Variants in TTC17 observed in about 807,000 individuals in gnomAD.
TTC17 encodes tetratricopeptide repeat domain 17, also known as tetratricopeptide repeat protein 17.
Under a neutral mutation model 143.8 loss-of-function variants are expected in TTC17, and 58 were observed. The observed-to-expected ratio is 0.40, with a 90% CI of 0.33 to 0.50. The LOEUF is 0.50. Ranked by LOEUF, TTC17 falls within the 20% of genes least tolerant of loss-of-function variation. The pLI is 0.49. For missense variants in TTC17, 1,273 were observed against 1,392.5 expected, an observed-to-expected ratio of 0.91 and a Z score of 1.37; for synonymous variants, 501 against 497.8, an observed-to-expected ratio of 1.01 and a Z score of -0.09.
intron 18 of TTC17, among the ~76,000 whole-genome samples, chr11:43,445,346 G>C (rs1947518461): frequency 6.6e-6 from 1 of 152,066 alleles, no homozygotes; most frequent in Non-Finnish European, 1.5e-5. Context: ...TCTTAGATTT[G>C]ATGAAATATG....
chr11:43,365,135 C>T (rs1001588768), intron 1 of TTC17, among the ~76,000 whole-genome samples: 1 of 152,024 alleles, frequency 6.6e-6, no homozygotes, highest in Non-Finnish European at 1.5e-5. Flanking sequence ...ACAGGTCACT[C>T]TGTCACCCAG....
chr11:43,471,060 G>A (rs1948082869), intron 21 of TTC17, among the ~76,000 whole-genome samples: 2 of 152,112 alleles, frequency 1.3e-5, no homozygotes, highest in African/African-American at 4.8e-5. Context: ...GTCAGCAGTT[G>A]GCATTAACCA....
At position 43,448,115 on chromosome 11, in the gene TTC17, A is replaced by C; in HGVS notation, c.2779A>C (p.Asn927His). 1 of 1,614,068 alleles carries C rather than the reference A, an allele frequency of 6.2e-7. No individual in the cohort carries two copies. Residue 927 changes from asparagine to histidine, a missense_variant, in exon 19 of 24, where the codon AAC (asparagine) becomes CAC (histidine). Asn to His is a moderately conservative substitution (Grantham distance 68). Transcript: ENST00000039989. ...VSTWLAVSSK[N>H]IDITEHIDFA... ...TACCTGGCTTGCAGTTTCTTCAAAA[A>C]ACATTGAGTAAGTATGTTAAGCCTC...
chr11:43,359,666 G>A (rs554545767), intron 1 of TTC17, among the ~76,000 whole-genome samples: 1 of 152,284 alleles, frequency 6.6e-6, no homozygotes, highest in East Asian at 1.9e-4. Flanking sequence ...GGTCAGCAGT[G>A]GCTCATTAGA....
intron 21 of TTC17, among the ~76,000 whole-genome samples, chr11:43,456,316 C>T (rs1947762923): frequency 6.6e-6 from 1 of 152,044 alleles, no homozygotes; most frequent in Admixed American, 6.6e-5. Context: ...TACTACTCAA[C>T]ATGAGTTTGA....
intron 1 of TTC17, among the ~76,000 whole-genome samples, chr11:43,370,787 A>G (rs1249258027): frequency 6.9e-6 from 1 of 144,502 alleles, no homozygotes; most frequent in African/African-American, 2.5e-5. Flanking sequence ...AGTTAAAGAG[A>G]GGGGGCAGGT....
intron 16 of TTC17, among the ~76,000 whole-genome samples, chr11:43,418,294 A>G (rs1051495837): frequency 6.6e-6 from 1 of 152,226 alleles, no homozygotes; most frequent in East Asian, 1.9e-4. Flanking sequence ...ATAAAATTTC[A>G]TAAATCCTGG....
intron 21 of TTC17, among the ~76,000 whole-genome samples, chr11:43,481,326 A>G (rs1477587146): frequency 6.6e-6 from 1 of 152,140 alleles, no homozygotes; most frequent in Non-Finnish European, 1.5e-5. Flanking sequence ...ACCTGTGTTT[A>G]TGTTCATGAG....
intron 1 of TTC17, chr11:43,370,358 A>G (rs1590310505): frequency 4.9e-6 from 1 of 203,018 alleles, no homozygotes; most frequent in East Asian, 1.4e-4. Flanking sequence ...TAGATTTGTG[A>G]TAAGGGTAAA....
chr11:43,429,647 A>T (rs1947108472), intron 16 of TTC17, among the ~76,000 whole-genome samples: 1 of 152,240 alleles, frequency 6.6e-6, no homozygotes, highest in Non-Finnish European at 1.5e-5. Flanking sequence ...AGCTTAAATT[A>T]TAATAAAAGG....
intron 18 of TTC17, among the ~76,000 whole-genome samples, chr11:43,445,317 A>G (rs946900499): frequency 2.6e-5 from 4 of 152,190 alleles, no homozygotes; most frequent in African/African-American, 7.2e-5. Flanking sequence ...AAAATAATGT[A>G]TGTTTACAGT....
In TTC17 at chr11:43,409,530, T is replaced by C. The variant is rs529386195; in HGVS notation, c.2064+1953T>C. Among the ~76,000 whole-genome samples the C allele has an allele frequency of 8.5e-5, 13 of 152,342 alleles. 1 individual carries two copies. In the South Asian group the frequency reaches 2.3e-3, roughly 27 times the overall value. ...GATTGTTTACTAGAGCCAGGCACAA[T>C]ACTAAGCATCTTACATGTAGTAACT... On this transcript the variant is annotated intron_variant, in intron 15 of 23. Transcript: ENST00000039989.
intron 19 of TTC17, chr11:43,449,214 C>G (rs1037290281): frequency 6.6e-6 from 1 of 152,214 alleles, no homozygotes; most frequent in Non-Finnish European, 1.5e-5. Flanking sequence ...TAAAGTGGAC[C>G]ATAAAGCCTT....
intron 5 of TTC17, among the ~76,000 whole-genome samples, chr11:43,392,845 G>A (rs774334899): frequency 2.6e-5 from 4 of 152,194 alleles, no homozygotes; most frequent in Non-Finnish European, 5.9e-5. Flanking sequence ...AAAACAGAAA[G>A]TAACTGGGTG....
intron 7 of TTC17, 73 bp from the exon 8 acceptor site, chr11:43,397,901 C>CTT (rs878985274): frequency 8.8e-7 from 1 of 1,139,314 alleles, no homozygotes; most frequent in Non-Finnish European, 1.2e-6. Context: ...TTTTTTTTTC[C>CTT]GTGTGTGTGT....
At chr11:43,462,645 T>A (rs59913211) in intron 21 of TTC17, among the ~76,000 whole-genome samples, 14,151 of 152,200 alleles carry the variant, frequency 0.093, 2,227 homozygotes, top group African/African-American at 0.32. Context: ...CAAGTATGTG[T>A]TAATTTGTCA....
intron 16 of TTC17, among the ~76,000 whole-genome samples, chr11:43,416,134 C>A (rs1946773050): frequency 6.6e-6 from 1 of 152,036 alleles, no homozygotes. Context: ...GAATTTTTAT[C>A]TTCTTAATCC....
chr11:43,433,289 G>A (rs934065526), intron 16 of TTC17, among the ~76,000 whole-genome samples: 3 of 152,172 alleles, frequency 2.0e-5, no homozygotes, highest in African/African-American at 7.2e-5. Flanking sequence ...GTGAGCCACC[G>A]CGCCTGGCCA....
At chr11:43,440,337 CTT>C (rs1359527279) in intron 16 of TTC17, among the ~76,000 whole-genome samples, 2 of 152,204 alleles carry the variant, frequency 1.3e-5, no homozygotes, top group East Asian at 1.9e-4. Context: ...AATTCCAACT[CTT>C]TATCCTGTTG....
Sources: gnomAD v4.1 joint callset for allele counts (sites outside exome capture counted in the v4.1 genomes callset) on GRCh38, gnomAD v4.1.1 for gene constraint, MANE v1.5 for transcripts, NCBI Gene and HGNC (gene_info 2026-07-23, HGNC 2026-07-21) for gene names.